The following PSG9 variants were observed in gnomAD, a reference collection of about 807,000 sequenced individuals.
The protein encoded by PSG9 is pregnancy-specific beta-1-glycoprotein 9.
PSG9 carries 49 observed loss-of-function variants against 41.9 expected under a neutral mutation model. The observed-to-expected ratio is 1.17, with a 90% CI of 0.93 to 1.48. PSG9 has a LOEUF of 1.48. Ranked by LOEUF, PSG9 falls within the 40% of genes most tolerant of loss-of-function variation. The pLI is 0.00. For synonymous variants in PSG9, 263 were observed against 196.8 expected (o/e 1.34, Z -2.82); for missense variants, 641 against 520.3 (o/e 1.23, Z -2.26).
At chr19:43,256,370 T>TG (rs1968445222) in intron 5 of PSG9, among the ~76,000 whole-genome samples, 1 of 146,924 alleles carries the variant, frequency 6.8e-6, no homozygotes, top group South Asian at 2.2e-4. Flanking sequence ...AGCTTTTATA[T>TG]GTCGAAGAAC....
chr19:43,253,367 C>G lies in PSG9; in HGVS notation c.*242G>C, dbSNP rs1135859. ...CACAATTCTGGGGCATTCAGATAGA[C>G]AGCAAAAGCAAATATTTCAATTTTT... On this transcript the variant is annotated 3_prime_UTR_variant, in exon 6 of 6. Coordinates refer to ENST00000270077, the MANE Select transcript of PSG9 (RefSeq NM_002784.5). 1 of 358,332 alleles carries G rather than the reference C, an allele frequency of 2.8e-6. No homozygotes were observed. Among genetic ancestry groups the G allele is most frequent in the Non-Finnish European group, 4.9e-6 (1 of 203,240 alleles). The allele number at this position is 358,332 out of a possible 1,614,324, so 22.2% of individuals were successfully genotyped here.
In PSG9 at chr19:43,256,934, A is replaced by G. The variant is rs1663853494; in HGVS notation, c.1243+1268T>C. Among the ~76,000 whole-genome samples, 9 of 147,082 alleles carry G rather than the reference A, an allele frequency of 6.1e-5. 3 individuals are homozygous for G. In the South Asian group the frequency reaches 1.5e-3, roughly 25 times the overall value. Reference sequence around the variant, plus strand: ...GAGAAGCATTACTCACACTAGCGAAAAAATGGAAACAACTGAAAAGTCCAT... The same window carrying G: ...GAGAAGCATTACTCACACTAGCGAAGAAATGGAAACAACTGAAAAGTCCAT... On this transcript the variant is annotated intron_variant, in intron 5 of 5. Coordinates refer to ENST00000270077, the MANE Select transcript of PSG9 (RefSeq NM_002784.5).
chr19:43,267,262 C>T (rs1451892774), intron 2 of PSG9, among the ~76,000 whole-genome samples: 2 of 152,136 alleles, frequency 1.3e-5, no homozygotes, highest in Non-Finnish European at 2.9e-5. Flanking sequence ...TGGTGAACAG[C>T]TCCAGGAGAC....
chr19:43,267,805 G>A lies in PSG9; in HGVS notation c.409C>T (p.His137Tyr), dbSNP rs779895921. ...TCACAGTATAAGGTGAAGGTGAAAT[G>A]TCGAATTTCTTCTCTAGTCTCATCA... ...RGDETREEIRHFTFTLYLETP... is the reference protein window; with the variant it reads ...RGDETREEIRYFTFTLYLETP... The change falls in exon 2 of 6, where the codon CAT (histidine) becomes TAT (tyrosine). Residue 137 changes from histidine (H) to tyrosine (Y), a missense_variant. His to Tyr is a moderately conservative substitution (Grantham distance 83, BLOSUM62 2). Coordinates refer to ENST00000270077, the MANE Select transcript of PSG9 (RefSeq NM_002784.5). 4 of 1,613,116 alleles carry A rather than the reference G, an allele frequency of 2.5e-6. No individual in the cohort carries two copies. The highest frequency in any genetic ancestry group is 1.3e-5 in the African/African-American group (1 of 74,990).
chr19:43,267,826 C>T lies in PSG9; in HGVS notation c.388G>A (p.Glu130Lys), dbSNP rs147964831. 1.2e-4 allele frequency: 191 copies of T among 1,613,462 alleles called. No individual in the cohort carries two copies. The African/African-American group carries it at 2.4e-3, about 20-fold the overall frequency. ...YTLHIIKRGD[E>K]TREEIRHFTF... ...AAATGTCGAATTTCTTCTCTAGTCT[C>T]ATCACCTCGCTTTATGATGTGTAAG... Residue 130 changes from glutamate (E) to lysine (K), a missense_variant, in exon 2 of 6, where the codon GAG becomes AAG. Glu to Lys is a moderately conservative substitution (Grantham distance 56). Transcript: ENST00000270077.
intron 2 of PSG9, among the ~76,000 whole-genome samples, chr19:43,262,557 G>T (rs1388218044): frequency 1.3e-5 from 2 of 152,086 alleles, no homozygotes; most frequent in Non-Finnish European, 1.5e-5. Flanking sequence ...AGCTTCCCTT[G>T]CCAAGGACAT....
Position 43,269,519 on chromosome 19 carries a change from T to G in PSG9, c.-88A>C, listed in dbSNP as rs1450944649. 2.5e-6 allele frequency: 4 copies of G among 1,573,066 alleles called. No individual in the cohort carries two copies. The highest frequency in any genetic ancestry group is 2.7e-5 in the African/African-American group (2 of 73,694). ...GCACGGCTGTCAGCTGTGCTGTCCT[T>G]CCTCCTTCTGTGCTGAGCCTCTTCC... is the stretch of plus-strand genomic sequence containing the variant. On this transcript the variant is annotated 5_prime_UTR_variant, in exon 1 of 6. Transcript: ENST00000270077.
Position 43,255,177 on chromosome 19 carries a change from T to C in PSG9, c.1244-1531A>G, listed in dbSNP as rs577167184. 5.6e-5 allele frequency among the ~76,000 whole-genome samples: 8 copies of C among 143,356 alleles called. 2 individuals are homozygous for C. In the South Asian group the frequency reaches 1.1e-3, roughly 20 times the overall value. The allele number at this position is 143,356 out of a possible 152,430, so 94.0% of individuals were successfully genotyped here. A position where few individuals can be genotyped will look rare whatever the true frequency, so the allele number is the denominator to read the frequency against. ...ACCAATTCTAATAAAATAATGATGA[T>C]GAAAGTACTATAAATAATTGTATGC... On this transcript the variant is annotated intron_variant, in intron 5 of 5. Coordinates refer to ENST00000270077, the MANE Select transcript of PSG9 (RefSeq NM_002784.5).
At chr19:43,267,366 G>C (rs959317207) in intron 2 of PSG9, among the ~76,000 whole-genome samples, 2 of 152,124 alleles carry the variant, frequency 1.3e-5, no homozygotes, top group Admixed American at 1.3e-4. Flanking sequence ...AGCTTAACTG[G>C]AGCAAGGATT....
Position 43,268,065 on chromosome 19 carries a change from T to C in PSG9, c.149A>G (p.Asp50Gly), listed in dbSNP as rs748685528. 4 of 1,613,662 alleles carry C rather than the reference T, an allele frequency of 2.5e-6. No homozygotes were observed. The South Asian group carries it at 4.4e-5, about 18-fold the overall frequency. The change falls in exon 2 of 6, where the codon GAT (aspartate) becomes GGT (glycine). Residue 50 changes from aspartate (D) to glycine (G), a missense_variant. Coordinates refer to ENST00000270077, the MANE Select transcript of PSG9 (RefSeq NM_002784.5). Reference sequence around the variant, plus strand: ...CAAATTGTGGACAAGTAGAAGAACATCCTTCCCCTCAGAAACTTTGGGTGG... The same window carrying C: ...CAAATTGTGGACAAGTAGAAGAACACCCTTCCCCTCAGAAACTTTGGGTGG... ...AQPPKVSEGK[D>G]VLLLVHNLPQ... is the part of the protein sequence containing the mutation.
intron 4 of PSG9, 145 bp from the exon 5 acceptor site, chr19:43,258,601 C>A: frequency 4.3e-6 from 6 of 1,409,816 alleles, no homozygotes; most frequent in South Asian, 2.9e-5. Context: ...TGAGCTGAAG[C>A]CTGAGGTATT....
intron 3 of PSG9, chr19:43,260,712 A>C (rs1355474546): frequency 6.6e-6 from 1 of 151,990 alleles, no homozygotes; most frequent in Non-Finnish European, 1.5e-5. Flanking sequence ...GGTCAGATTT[A>C]GGACAGAGTT....
intron 2 of PSG9, 80 bp downstream of exon 2, chr19:43,267,704 C>G (rs1969036478): frequency 1.3e-6 from 2 of 1,592,300 alleles, no homozygotes; most frequent in African/African-American, 1.3e-5. Flanking sequence ...CAGGCAGAGT[C>G]CAGGCCTGAC....
At position 43,268,027 on chromosome 19, in the gene PSG9, G is replaced by C. The variant is rs199801844; in HGVS notation, c.187C>G (p.Pro63Ala). Residue 63 changes from proline (P) to alanine (A), a missense_variant, in exon 2 of 6, where the codon CCT (proline) becomes GCT (alanine). Transcript: ENST00000270077. ...LLVHNLPQNL[P>A]GYFWYKGEMT... Reference sequence around the variant, plus strand: ...TCCCCTTTGTACCAGAAGTAGCCAGGAAGATTCTGGGGCAAATTGTGGACA... The same window carrying C: ...TCCCCTTTGTACCAGAAGTAGCCAGCAAGATTCTGGGGCAAATTGTGGACA... 2.5e-6 allele frequency: 4 copies of C among 1,613,752 alleles called. No homozygotes were observed. The highest frequency in any genetic ancestry group is 2.5e-6 in the Non-Finnish European group (3 of 1,179,922).
At chr19:43,255,608 C>A (rs1968417957) in intron 5 of PSG9, among the ~76,000 whole-genome samples, 1 of 146,320 alleles carries the variant, frequency 6.8e-6, no homozygotes, top group Non-Finnish European at 1.5e-5. Flanking sequence ...GTAGAAAATC[C>A]TAAAGATTGA....
At chr19:43,261,098 A>T (rs539881813) in intron 3 of PSG9, among the ~76,000 whole-genome samples, 1,711 of 152,154 alleles carry the variant, frequency 0.011, 20 homozygotes, top group Non-Finnish European at 0.018. Flanking sequence ...TTCCCTATCC[A>T]GGGTTTTTTA....
At position 43,255,487 on chromosome 19, in the gene PSG9, G is replaced by A. The variant is rs184850180; in HGVS notation, c.1244-1841C>T. ...CCTGCTTTTGACACTTTTATTCAAC[G>A]TAGTATTGAAAGGTCTAGTCAGAAA... On this transcript the variant is annotated intron_variant, in intron 5 of 5. Transcript: ENST00000270077. Among the ~76,000 whole-genome samples, 19 of 146,086 alleles carry A rather than the reference G, an allele frequency of 1.3e-4. 4 individuals are homozygous for A. The highest frequency in any genetic ancestry group is 8.2e-4 in the Admixed American group (12 of 14,686).
rs535951961 is a variant in PSG9, at chr19:43,266,441, C to CTG, written c.430+1342_430+1343insCA. On this transcript the variant is annotated intron_variant, in intron 2 of 5. Transcript: ENST00000270077. ...TATGTGAGAGCTCCTGAGTGTGTGT[C>CTG]TCTCGCTGGGCCTGTGCTGGTGTAG... Among the ~76,000 whole-genome samples the CTG allele has an allele frequency of 2.6e-4, 39 of 152,096 alleles. 1 individual carries two copies. The East Asian group carries it at 6.2e-3, about 24-fold the overall frequency.
rs1298724039 is a variant in PSG9, at chr19:43,265,604, C to G, written c.430+2180G>C. Among the ~76,000 whole-genome samples, 4 of 152,264 alleles carry G rather than the reference C, an allele frequency of 2.6e-5. 1 individual carries two copies. Among genetic ancestry groups the G allele is most frequent in the Admixed American group, 2.6e-4 (4 of 15,300 alleles). On this transcript the variant is annotated intron_variant, in intron 2 of 5. Transcript: ENST00000270077. Reference sequence around the variant, plus strand: ...TTGAAAATCTCTAACCCCTGATCCACTGGGGAGGCTGATTTGAGTAATAAT... The same window carrying G: ...TTGAAAATCTCTAACCCCTGATCCAGTGGGGAGGCTGATTTGAGTAATAAT...
Sources: allele counts gnomAD v4.1 joint callset (sites outside exome capture counted in the v4.1 genomes callset), GRCh38; gene constraint gnomAD v4.1.1; transcripts MANE v1.5; gene names NCBI Gene and HGNC (gene_info 2026-07-23, HGNC 2026-07-21).